DPP10: variants seen among roughly 807,000 people sequenced by gnomAD.
DPP10 encodes the protein inactive dipeptidyl peptidase 10.
A neutral mutation model predicts 120.9 loss-of-function variants in DPP10; 33 were observed. The observed-to-expected ratio is 0.27, with a 90% CI of 0.21 to 0.37. The LOEUF is 0.37. Ranked by LOEUF, DPP10 falls within the 10% of genes least tolerant of loss-of-function variation. The pLI, the probability that DPP10 is intolerant of heterozygous loss-of-function variation, is 1.00. For missense variants in DPP10, 816 were observed against 942.8 expected (o/e 0.87, Z 1.76); for synonymous variants, 337 against 326.1 (o/e 1.03, Z -0.36).
At position 114,589,040 on chromosome 2, in the gene DPP10, G is replaced by T. The variant is rs960609382; in HGVS notation, c.60+146202G>T. 4.2e-5 allele frequency among the ~76,000 whole-genome samples: 5 copies of T among 118,396 alleles called. No homozygotes were observed. In the East Asian group the frequency reaches 9.7e-4, roughly 23 times the overall value. The allele number at this position is 118,396 out of a possible 152,430, so 77.7% of individuals were successfully genotyped here. A position where few individuals can be genotyped will look rare whatever the true frequency, so the allele number is the denominator to read the frequency against. ...GGTAGAAAGGCAAAGGTTTTTTTGG[G>T]GGGGGGGGTAGGGGACGTACTGTTT... On this transcript the variant is annotated intron_variant, in intron 1 of 25. Coordinates refer to ENST00000410059, the MANE Select transcript of DPP10 (RefSeq NM_020868.6).
chr2:115,831,490 G>A (rs889834638), intron 21 of DPP10, among the ~76,000 whole-genome samples: 1 of 151,970 alleles, frequency 6.6e-6, no homozygotes, highest in African/African-American at 2.4e-5. Context: ...CGCTGGCCTC[G>A]GCCTCCCAAA....
chr2:115,377,818 C>T (rs2106441867), intron 3 of DPP10, among the ~76,000 whole-genome samples: 1 of 152,200 alleles, frequency 6.6e-6, no homozygotes, highest in South Asian at 2.1e-4. Flanking sequence ...GAATCCTTTC[C>T]CCATTGCTTG....
chr2:115,269,941 C>T (rs1055242674), intron 1 of DPP10, among the ~76,000 whole-genome samples: 1 of 151,960 alleles, frequency 6.6e-6, no homozygotes, highest in Admixed American at 6.6e-5. Context: ...AAACTTTAGC[C>T]CTGCCCTGAT....
At chr2:115,631,037 CTTTTTTTTTTT>C (rs58468918) in intron 5 of DPP10, among the ~76,000 whole-genome samples, 8 of 111,356 alleles carry the variant, frequency 7.2e-5, no homozygotes, top group South Asian at 5.3e-4. Context: ...TGATCCTGGG[CTTTTTTTTTTT>C]TTTTTTTTTT....
intron 1 of DPP10, among the ~76,000 whole-genome samples, chr2:114,886,826 T>G (rs1692114403): frequency 6.6e-6 from 1 of 152,170 alleles, no homozygotes; most frequent in Non-Finnish European, 1.5e-5. Context: ...AGGGGCTACC[T>G]GGAAAAGTCA....
intron 1 of DPP10, among the ~76,000 whole-genome samples, chr2:115,090,949 A>G (rs1269037180): frequency 2.0e-5 from 3 of 152,192 alleles, no homozygotes; most frequent in African/African-American, 4.8e-5. Flanking sequence ...GACCTTAGCC[A>G]TTAGGCTGAT....
intron 3 of DPP10, among the ~76,000 whole-genome samples, chr2:115,469,895 A>C (rs1417616717): frequency 1.2e-4 from 18 of 149,156 alleles, no homozygotes; most frequent in Non-Finnish European, 2.5e-4. Context: ...AAAAAAAAAA[A>C]AAAAGAAAAA....
intron 3 of DPP10, among the ~76,000 whole-genome samples, chr2:115,355,034 A>G (rs1465630932): frequency 6.6e-6 from 1 of 152,218 alleles, no homozygotes; most frequent in Non-Finnish European, 1.5e-5. Flanking sequence ...TCTTTATAGT[A>G]GAATGATTTA....
chr2:115,640,480 C>G (rs75563508), intron 5 of DPP10, among the ~76,000 whole-genome samples: 1 of 150,284 alleles, frequency 6.7e-6, no homozygotes, highest in African/African-American at 2.5e-5. Context: ...AAAAAAAAAA[C>G]GACATCTTGA....
At chr2:115,428,929 C>A (rs900355509) in intron 3 of DPP10, among the ~76,000 whole-genome samples, 4 of 152,086 alleles carry the variant, frequency 2.6e-5, no homozygotes, top group Non-Finnish European at 5.9e-5. Flanking sequence ...TGAAGAGGAA[C>A]CTCTACTTTA....
intron 1 of DPP10, among the ~76,000 whole-genome samples, chr2:114,491,691 C>T (rs1192868587): frequency 1.3e-5 from 2 of 152,180 alleles, no homozygotes; most frequent in Admixed American, 1.3e-4. Context: ...AGATTTTACT[C>T]ACTGAAGCAT....
intron 5 of DPP10, among the ~76,000 whole-genome samples, chr2:115,671,263 C>A (rs1015118149): frequency 6.6e-6 from 1 of 151,684 alleles, no homozygotes; most frequent in East Asian, 1.9e-4. Flanking sequence ...GAGTTCTGGT[C>A]TTAAAATAAC....
chr2:115,286,236 T>C (rs2105899348), intron 1 of DPP10, among the ~76,000 whole-genome samples: 1 of 151,596 alleles, frequency 6.6e-6, no homozygotes, highest in South Asian at 2.1e-4. Context: ...GGAGATATTT[T>C]GGCTGATGCA....
chr2:114,715,532 A>C (rs1701291893), intron 1 of DPP10, among the ~76,000 whole-genome samples: 1 of 152,162 alleles, frequency 6.6e-6, no homozygotes, highest in African/African-American at 2.4e-5. Flanking sequence ...CTTTTACTAC[A>C]AATAATCTGA....
At chr2:114,516,757 T>C (rs1019775907) in intron 1 of DPP10, among the ~76,000 whole-genome samples, 5 of 152,240 alleles carry the variant, frequency 3.3e-5, no homozygotes, top group African/African-American at 1.2e-4. Flanking sequence ...AGAGAGTATT[T>C]CATTAAAAAA....
chr2:115,144,945 T>G (rs1164453764), intron 1 of DPP10: 1 of 152,142 alleles, frequency 6.6e-6, no homozygotes, highest in Non-Finnish European at 1.5e-5. Context: ...GGTGGCTGTT[T>G]TGTAGTTTTT....
At chr2:115,462,853 C>T (rs2074075759) in intron 3 of DPP10, among the ~76,000 whole-genome samples, 1 of 152,186 alleles carries the variant, frequency 6.6e-6, no homozygotes, top group African/African-American at 2.4e-5. Flanking sequence ...CCTCAGCCTC[C>T]CCAGTAGCTG....
At chr2:114,596,606 A>G (rs1318587405) in intron 1 of DPP10, among the ~76,000 whole-genome samples, 1 of 152,112 alleles carries the variant, frequency 6.6e-6, no homozygotes, top group African/African-American at 2.4e-5. Flanking sequence ...TACAAATACT[A>G]GCCATTGCTC....
chr2:115,041,604 A>G (rs370252724), intron 1 of DPP10, among the ~76,000 whole-genome samples: 1 of 152,294 alleles, frequency 6.6e-6, no homozygotes, highest in Non-Finnish European at 1.5e-5. Flanking sequence ...TTTTCATAGT[A>G]ACAGCAATTT....
Sources: gnomAD v4.1 joint callset for allele counts (sites outside exome capture counted in the v4.1 genomes callset) on GRCh38, gnomAD v4.1.1 for gene constraint, MANE v1.5 for transcripts, NCBI Gene and HGNC (gene_info 2026-07-23, HGNC 2026-07-21) for gene names.